ZC3H18: variants seen among roughly 807,000 people sequenced by gnomAD.
The protein encoded by ZC3H18 is zinc finger CCCH domain-containing protein 18.
ZC3H18 carries 8 observed loss-of-function variants against 106.1 expected under a neutral mutation model. The observed-to-expected ratio is 0.08, with a 90% CI of 0.04 to 0.14. ZC3H18 has a LOEUF of 0.14. ZC3H18 is among the 10% of genes least tolerant of loss of function. ZC3H18 has a pLI of 1.00. For missense variants in ZC3H18, 1,318 were observed against 1,278.4 expected (o/e 1.03, Z -0.47); for synonymous variants, 635 against 522.1 (o/e 1.22, Z -2.95).
In ZC3H18 at chr16:88,586,663, A is replaced by G; in HGVS notation, c.667A>G (p.Thr223Ala). 1 of 1,613,974 alleles carries G rather than the reference A, an allele frequency of 6.2e-7. No individual in the cohort carries two copies. The highest frequency in any genetic ancestry group is 8.5e-7 in the Non-Finnish European group (1 of 1,179,996). Residue 223 changes from threonine (T) to alanine (A), a missense_variant, in exon 3 of 18, where the codon ACC (threonine) becomes GCC (alanine). Thr to Ala is a moderately conservative substitution (Grantham distance 58). Transcript: ENST00000301011. ...TGACAGGAAGGTGAGGCCTCGTCCC[A>G]CCTGCCGGTTCTTCATGAAAGGTAA... ...PSDRKVRPRPTCRFFMKGNCT... is the reference protein window; with the variant it reads ...PSDRKVRPRPACRFFMKGNCT...
chr16:88,580,106 G>A (rs533852870), intron 2 of ZC3H18, among the ~76,000 whole-genome samples: 5 of 151,660 alleles, frequency 3.3e-5, no homozygotes, highest in African/African-American at 1.2e-4. Flanking sequence ...CAGCATTTGC[G>A]TAGGCTGTTT....
At chr16:88,595,474 C>CTTTTTTTTTTTTTTTTT (rs11302563) in intron 3 of ZC3H18, among the ~76,000 whole-genome samples, 1 of 133,568 alleles carries the variant, frequency 7.5e-6, no homozygotes, top group African/African-American at 2.8e-5. Context: ...TTCTTTCTTT[C>CTTTTTTTTTTTTTTTTT]TTTTTTTTTT....
chr16:88,619,547 G>A (rs1412090467), intron 8 of ZC3H18, among the ~76,000 whole-genome samples: 1 of 152,200 alleles, frequency 6.6e-6, no homozygotes, highest in Non-Finnish European at 1.5e-5. Context: ...TCTTCATTTT[G>A]AAATTCGGTA....
intron 2 of ZC3H18, among the ~76,000 whole-genome samples, chr16:88,583,380 G>C (rs1915251194): frequency 6.6e-6 from 1 of 152,224 alleles, no homozygotes; most frequent in South Asian, 2.1e-4. Context: ...AGCACTTGCT[G>C]CTCATGTTTT....
At chr16:88,600,413 T>G (rs988460275) in intron 6 of ZC3H18, among the ~76,000 whole-genome samples, 6 of 152,234 alleles carry the variant, frequency 3.9e-5, no homozygotes, top group Admixed American at 3.9e-4. Flanking sequence ...TGGTTTTTGT[T>G]TTTTGGTTTT....
At chr16:88,623,488 G>A (rs1026054605) in intron 10 of ZC3H18, 144 bp downstream of exon 10, 27 of 1,089,436 alleles carry the variant, frequency 2.5e-5, no homozygotes, top group Non-Finnish European at 3.1e-5. Context: ...CCAGGGGGTC[G>A]TGTCCTGTGT....
intron 9 of ZC3H18, chr16:88,622,731 A>G (rs1906042297): frequency 6.5e-6 from 2 of 308,952 alleles, no homozygotes; most frequent in Non-Finnish European, 6.1e-6. Context: ...TCCAGACTGG[A>G]CCTGAAACTG....
rs1269301122 is a variant in ZC3H18 at position 88,606,129 on chromosome 16, A to G, written c.1089-2805A>G. 2.0e-5 allele frequency among the ~76,000 whole-genome samples: 3 copies of G among 152,380 alleles called. No homozygotes were observed. In the East Asian group the frequency reaches 5.8e-4, roughly 29 times the overall value. On this transcript the variant is annotated intron_variant, in intron 6 of 17. Transcript: ENST00000301011. ...ACAGAACCCTTTTCTCAAAAGGCCC[A>G]TTAACATTTTGGGTTCCCTAAAACA... is the stretch of plus-strand genomic sequence containing the variant.
intron 2 of ZC3H18, among the ~76,000 whole-genome samples, chr16:88,584,634 C>T (rs531708547): frequency 2.0e-5 from 3 of 152,254 alleles, no homozygotes; most frequent in African/African-American, 4.8e-5. Context: ...TGACTGGGGT[C>T]AGTGTGTAGG....
intron 2 of ZC3H18, among the ~76,000 whole-genome samples, chr16:88,578,831 C>T (rs1051356490): frequency 2.6e-5 from 4 of 152,196 alleles, no homozygotes; most frequent in Admixed American, 2.0e-4. Flanking sequence ...GCTGGGATTA[C>T]AGGCGCCCGC....
rs1166991887 is a variant in ZC3H18, at chr16:88,608,898, A to G, written c.1089-36A>G. ...GTGGTCTTTTTACGCCAGTGCTCCT[A>G]AGTGATGAGAGTTCTTTTTCATTGG... On this transcript the variant is annotated intron_variant, in intron 6 of 17. Coordinates refer to ENST00000301011, the MANE Select transcript of ZC3H18 (RefSeq NM_144604.4). 4 of 1,551,226 alleles carry G rather than the reference A, an allele frequency of 2.6e-6. No homozygotes were observed. In the South Asian group the frequency reaches 4.5e-5, roughly 18 times the overall value.
intron 1 of ZC3H18, among the ~76,000 whole-genome samples, chr16:88,572,399 G>GTTCACGCCTTTCTCCTGC (rs1293698414): frequency 5.3e-5 from 8 of 151,756 alleles, no homozygotes; most frequent in Non-Finnish European, 8.8e-5. Context: ...CTCCTCCTGG[G>GTTCACGCCTTTCTCCTGC]CACTTATTTT....
intron 7 of ZC3H18, among the ~76,000 whole-genome samples, chr16:88,610,623 C>T (rs1015288014): frequency 5.9e-5 from 9 of 152,208 alleles, no homozygotes; most frequent in Non-Finnish European, 1.3e-4. Flanking sequence ...CCATCAGGTG[C>T]GTTGTGATTG....
chr16:88,598,004 C>T (rs2142669948), intron 3 of ZC3H18, among the ~76,000 whole-genome samples, 174 bp from the exon 4 acceptor site: 1 of 152,358 alleles, frequency 6.6e-6, no homozygotes, highest in East Asian at 1.9e-4. Context: ...CTGTCTGGCT[C>T]AGCCTCTCCA....
At chr16:88,586,025 G>C (rs895231955) in intron 2 of ZC3H18, among the ~76,000 whole-genome samples, 7 of 152,194 alleles carry the variant, frequency 4.6e-5, no homozygotes, top group Non-Finnish European at 1.0e-4. Context: ...ACCAAGCAAG[G>C]GTCAGGTTTG....
Position 88,595,536 on chromosome 16 carries a change from G to C in ZC3H18, c.689-2642G>C, listed in dbSNP as rs1402806951. Among the ~76,000 whole-genome samples, 8 of 148,720 alleles carry C rather than the reference G, an allele frequency of 5.4e-5. No homozygotes were observed. The East Asian group carries it at 1.6e-3, about 29-fold the overall frequency. The stretch of plus-strand genomic sequence containing the variant: ...AATTATGAAAGTAAGGCTGGGGACG[G>C]TAGCTGACACCTGTAATCCCAGCTC... On this transcript the variant is annotated intron_variant, in intron 3 of 17. Transcript: ENST00000301011.
At chr16:88,577,833 A>G (rs1328690808) in intron 2 of ZC3H18, 107 bp downstream of exon 2, 75 of 1,576,916 alleles carry the variant, frequency 4.8e-5, no homozygotes, top group Non-Finnish European at 1.0e-5. Context: ...GTGATTTGTT[A>G]CTAGGGATGG....
rs141751584 is a variant in ZC3H18 at position 88,588,949 on chromosome 16, A to G, written c.688+2265A>G. Among the ~76,000 whole-genome samples the G allele has an allele frequency of 2.0e-3, 312 of 152,256 alleles. 1 individual carries two copies. Among genetic ancestry groups the G allele is most frequent in the African/African-American group, 6.9e-3 (285 of 41,546 alleles). On this transcript the variant is annotated intron_variant, in intron 3 of 17. Transcript: ENST00000301011. The stretch of plus-strand genomic sequence containing the variant: ...TTTGCGGCTTAATCAGGTGTTATCA[A>G]TAACTCATTTCAGAAGTGTTTTTAT...
chr16:88,586,695 G>C lies in ZC3H18; in HGVS notation c.688+11G>C. 1 of 1,613,440 alleles carries C rather than the reference G, an allele frequency of 6.2e-7. No homozygotes were observed. The highest frequency in any genetic ancestry group is 8.5e-7 in the Non-Finnish European group (1 of 1,179,450). On this transcript the variant is annotated intron_variant, in intron 3 of 17. Transcript: ENST00000301011. ...GGTTCTTCATGAAAGGTAATTGTCT[G>C]CGTGTGAGGCCTTCTCGCAGCCAGC...
Sources: allele counts gnomAD v4.1 joint callset (sites outside exome capture counted in the v4.1 genomes callset), GRCh38; gene constraint gnomAD v4.1.1; transcripts MANE v1.5; gene names NCBI Gene and HGNC (gene_info 2026-07-23, HGNC 2026-07-21).